GTF2IRD1: variants seen among roughly 807,000 people sequenced by gnomAD.
GTF2IRD1 encodes GTF2I repeat domain containing 1.
GTF2IRD1 carries 26 observed loss-of-function variants against 113.2 expected under a neutral mutation model. The ratio of observed to expected loss-of-function variants is 0.23; its 90% confidence interval spans 0.17 to 0.32. GTF2IRD1 has a LOEUF of 0.32. Ranked by LOEUF, GTF2IRD1 falls within the 10% of genes least tolerant of loss-of-function variation. The pLI is 1.00. For synonymous variants in GTF2IRD1, 484 were observed against 529.1 expected (o/e 0.91, Z 1.17); for missense variants, 864 against 1,280.8 (o/e 0.67, Z 4.97).
intron 16 of GTF2IRD1, 150 bp from the exon 17 acceptor site, chr7:74,546,953 G>T: frequency 1.4e-6 from 1 of 697,368 alleles, no homozygotes; most frequent in Non-Finnish European, 2.5e-6. Context: ...CCTGCAGGCT[G>T]GGGGGCCACT....
chr7:74,524,260 T>TGGGG, intron 8 of GTF2IRD1, 106 bp downstream of exon 8: 2 of 467,052 alleles, frequency 4.3e-6, no homozygotes, highest in Non-Finnish European at 7.9e-6. Flanking sequence ...AGCCATATGC[T>TGGGG]GGCTCCCGCG....
intron 1 of GTF2IRD1, among the ~76,000 whole-genome samples, chr7:74,475,297 C>G (rs1284690949): frequency 6.6e-6 from 1 of 152,126 alleles, no homozygotes; most frequent in Admixed American, 6.6e-5. Flanking sequence ...GATACTCAAC[C>G]CTTGTCCATT....
Position 74,467,699 on chromosome 7 carries a change from A to G in GTF2IRD1, c.-7+13523A>G, listed in dbSNP as rs936329592. ...TATTTTATTTTGTATTTAATTTTTT[A>G]TTTTTATTTTTTGAGTCAGAATCTC... On this transcript the variant is annotated intron_variant, in intron 1 of 26. Transcript: ENST00000424337. 2.1e-5 allele frequency among the ~76,000 whole-genome samples: 3 copies of G among 142,124 alleles called. No homozygotes were observed. The East Asian group carries it at 6.2e-4, about 30-fold the overall frequency. The allele number at this position is 142,124 out of a possible 152,430, so 93.2% of individuals were successfully genotyped here.
Position 74,559,603 on chromosome 7 carries a change from C to A in GTF2IRD1, c.2292-24C>A, listed in dbSNP as rs368728535. Reference sequence around the variant, plus strand: ...CATCCCCCAGGCCCTCCCCATGACACCCCTGCCTCTGTTTCTCTTCTAGGC... The same window carrying A: ...CATCCCCCAGGCCCTCCCCATGACAACCCTGCCTCTGTTTCTCTTCTAGGC... On this transcript the variant is annotated intron_variant, in intron 21 of 26. Transcript: ENST00000424337. 103 of 1,581,800 alleles carry A rather than the reference C, an allele frequency of 6.5e-5. No individual in the cohort carries two copies. In the African/African-American group the frequency reaches 1.2e-3, roughly 18 times the overall value.
At chr7:74,558,231 A>T (rs1799716369) in intron 20 of GTF2IRD1, among the ~76,000 whole-genome samples, 1 of 147,656 alleles carries the variant, frequency 6.8e-6, no homozygotes, top group South Asian at 2.2e-4. Context: ...GTGAGCTGAG[A>T]TCGCGCCATT....
Position 74,501,447 on chromosome 7 carries a change from G to A in GTF2IRD1, c.-6-6628G>A, listed in dbSNP as rs190538824. On this transcript the variant is annotated intron_variant, in intron 1 of 26. Coordinates refer to ENST00000424337, the MANE Select transcript of GTF2IRD1 (RefSeq NM_005685.4). The stretch of plus-strand genomic sequence containing the variant: ...GGGAAACAGCCCTGTGACTCCTTCC[G>A]TCTCTTCCCTCCGGAGGGGGCGGTC... 4.2e-3 allele frequency among the ~76,000 whole-genome samples: 640 copies of A among 152,290 alleles called. 1 individual carries two copies. The highest frequency in any genetic ancestry group is 6.0e-3 in the Non-Finnish European group (405 of 68,026).
intron 22 of GTF2IRD1, among the ~76,000 whole-genome samples, chr7:74,581,826 G>C (rs1206594982): frequency 2.6e-5 from 4 of 152,188 alleles, no homozygotes; most frequent in Admixed American, 2.0e-4. Context: ...GGGCAACATA[G>C]TGAGACCTTG....
chr7:74,581,021 T>G (rs1562889320), intron 22 of GTF2IRD1, among the ~76,000 whole-genome samples: 2 of 151,472 alleles, frequency 1.3e-5, no homozygotes, highest in African/African-American at 4.9e-5. Flanking sequence ...CCCCCTTTTC[T>G]GGGGGGGGTT....
intron 22 of GTF2IRD1, among the ~76,000 whole-genome samples, chr7:74,573,590 A>C (rs1399732103): frequency 6.6e-6 from 1 of 152,172 alleles, no homozygotes; most frequent in Admixed American, 6.6e-5. Flanking sequence ...GAATGAGATC[A>C]GCACCGAGGG....
intron 1 of GTF2IRD1, among the ~76,000 whole-genome samples, chr7:74,501,807 G>A (rs1796048330): frequency 6.6e-6 from 1 of 152,074 alleles, no homozygotes; most frequent in Non-Finnish European, 1.5e-5. Flanking sequence ...ACCTACCACA[G>A]TGCCTGGCTA....
At position 74,565,170 on chromosome 7, in the gene GTF2IRD1, G is replaced by T. The variant is rs186093459; in HGVS notation, c.2320+5515G>T. ...CCCTGGGGGCTGAACGCCATTGGTA[G>T]CTGGTAGCTCTATACTGCCCAACCA... On this transcript the variant is annotated intron_variant, in intron 22 of 26. Transcript: ENST00000424337. Among the ~76,000 whole-genome samples, 234 of 152,298 alleles carry T rather than the reference G, an allele frequency of 1.5e-3. 1 individual carries two copies. Among genetic ancestry groups the T allele is most frequent in the East Asian group, 7.5e-3 (39 of 5,186 alleles).
At chr7:74,511,228 G>C (rs1796612532) in intron 2 of GTF2IRD1, among the ~76,000 whole-genome samples, 1 of 152,154 alleles carries the variant, frequency 6.6e-6, no homozygotes, top group Non-Finnish European at 1.5e-5. Context: ...TATTTGCTTA[G>C]CAGTAACTTA....
At chr7:74,573,207 C>T (rs782272626) in intron 22 of GTF2IRD1, among the ~76,000 whole-genome samples, 12 of 151,826 alleles carry the variant, frequency 7.9e-5, no homozygotes, top group Non-Finnish European at 1.3e-4. Context: ...TCCTGGAGTT[C>T]GAGACCAGCC....
At chr7:74,576,275 CAG>C (rs1203009307) in intron 22 of GTF2IRD1, among the ~76,000 whole-genome samples, 4 of 151,708 alleles carry the variant, frequency 2.6e-5, no homozygotes, top group Non-Finnish European at 4.4e-5. Context: ...GTCAAGGTGT[CAG>C]GGGCCAGGTG....
chr7:74,588,169 G>A (rs1361342623), intron 22 of GTF2IRD1, among the ~76,000 whole-genome samples: 6 of 148,542 alleles, frequency 4.0e-5, no homozygotes, highest in Middle Eastern at 3.4e-3. Context: ...GTGCAGTGGC[G>A]CGATCTCAGC....
intron 1 of GTF2IRD1, among the ~76,000 whole-genome samples, chr7:74,490,657 G>C (rs981318058): frequency 6.6e-6 from 1 of 151,838 alleles, no homozygotes; most frequent in Non-Finnish European, 1.5e-5. Context: ...GCCGTGTTTG[G>C]GTGGGGTGTG....
At chr7:74,467,932 T>A (rs913665806) in intron 1 of GTF2IRD1, among the ~76,000 whole-genome samples, 17 of 152,086 alleles carry the variant, frequency 1.1e-4, no homozygotes, top group African/African-American at 4.1e-4. Flanking sequence ...TGTCCTCAGG[T>A]GATCCGCCTC....
intron 1 of GTF2IRD1, among the ~76,000 whole-genome samples, chr7:74,503,195 C>G (rs1040776146): frequency 1.5e-4 from 22 of 151,462 alleles, no homozygotes; most frequent in Non-Finnish European, 2.7e-4. Flanking sequence ...TGTCCAGGGC[C>G]CCGCTGCCCA....
chr7:74,530,649 C>T (rs140974223), intron 9 of GTF2IRD1, among the ~76,000 whole-genome samples: 8 of 150,046 alleles, frequency 5.3e-5, no homozygotes, highest in African/African-American at 1.7e-4. Flanking sequence ...ATGGCCCCCC[C>T]GACCCAAGTT....
Sources: allele counts gnomAD v4.1 joint callset (sites outside exome capture counted in the v4.1 genomes callset), GRCh38; gene constraint gnomAD v4.1.1; transcripts MANE v1.5; gene names NCBI Gene and HGNC (gene_info 2026-07-23, HGNC 2026-07-21).